Variants in ATP6V1H observed in about 807,000 individuals in gnomAD.
ATP6V1H encodes V-type proton ATPase subunit H.
ATP6V1H carries 39 observed loss-of-function variants against 71.7 expected under a neutral mutation model. The ratio of observed to expected loss-of-function variants is 0.54; its 90% confidence interval spans 0.42 to 0.71. The LOEUF (loss-of-function observed/expected upper bound fraction) is 0.71. Ranked by LOEUF, ATP6V1H falls within the 30% of genes least tolerant of loss-of-function variation. The pLI, the probability that ATP6V1H is intolerant of heterozygous loss-of-function variation, is 0.00. For synonymous variants in ATP6V1H, 192 were observed against 199.3 expected (o/e 0.96, Z 0.31); for missense variants, 509 against 594.9 (o/e 0.86, Z 1.50).
chr8:53,831,421 A>C (rs970824464), intron 3 of ATP6V1H, among the ~76,000 whole-genome samples: 1 of 152,256 alleles, frequency 6.6e-6, no homozygotes, highest in Non-Finnish European at 1.5e-5. Context: ...ATAATCTTAC[A>C]AGACCGCTAT....
At chr8:53,780,919 T>C (rs1809099620) in intron 9 of ATP6V1H, among the ~76,000 whole-genome samples, 1 of 152,228 alleles carries the variant, frequency 6.6e-6, no homozygotes, top group Non-Finnish European at 1.5e-5. Flanking sequence ...ATGTGCCACA[T>C]TTTCTTAATC....
chr8:53,759,428 TAAGTC>T (rs1204239755), intron 11 of ATP6V1H, among the ~76,000 whole-genome samples: 1 of 152,194 alleles, frequency 6.6e-6, no homozygotes, highest in Non-Finnish European at 1.5e-5. Context: ...TGAATACAGT[TAAGTC>T]AACAATAGAT....
intron 13 of ATP6V1H, among the ~76,000 whole-genome samples, chr8:53,740,841 G>A (rs1427463236): frequency 1.3e-5 from 2 of 152,150 alleles, no homozygotes; most frequent in Non-Finnish European, 2.9e-5. Flanking sequence ...AACTGGTATT[G>A]TAATAAATTA....
intron 8 of ATP6V1H, among the ~76,000 whole-genome samples, chr8:53,799,312 AAAT>A (rs1332313101): frequency 6.6e-6 from 1 of 152,192 alleles, no homozygotes; most frequent in Non-Finnish European, 1.5e-5. Flanking sequence ...TCAAAGACTA[AAAT>A]AATAAGAAAG....
At chr8:53,778,497 C>T (rs1808972380) in intron 9 of ATP6V1H, among the ~76,000 whole-genome samples, 1 of 152,142 alleles carries the variant, frequency 6.6e-6, no homozygotes, top group African/African-American at 2.4e-5. Flanking sequence ...TACCCTGGTA[C>T]CCTTCTCAGC....
At chr8:53,735,883 C>G (rs367611431) in intron 13 of ATP6V1H, among the ~76,000 whole-genome samples, 27 of 152,208 alleles carry the variant, frequency 1.8e-4, no homozygotes, top group African/African-American at 6.0e-4. Context: ...GGATCCACCA[C>G]AGTCGGCTAA....
chr8:53,730,836 G>A (rs1010139094), intron 13 of ATP6V1H, among the ~76,000 whole-genome samples: 3 of 152,046 alleles, frequency 2.0e-5, no homozygotes, highest in Admixed American at 1.3e-4. Context: ...CAACCAGGAG[G>A]ACGAAAGCAC....
At chr8:53,761,584 T>TA (rs1284399838) in intron 11 of ATP6V1H, among the ~76,000 whole-genome samples, 3 of 152,014 alleles carry the variant, frequency 2.0e-5, no homozygotes, top group Admixed American at 6.6e-5. Flanking sequence ...ACACTAGATT[T>TA]AAAAAAAACC....
At chr8:53,803,153 A>G (rs1292360292) in intron 7 of ATP6V1H, among the ~76,000 whole-genome samples, 2 of 152,218 alleles carry the variant, frequency 1.3e-5, no homozygotes, top group African/African-American at 4.8e-5. Context: ...CCTGGCCAAC[A>G]TGGCGAAACT....
chr8:53,727,500 G>C (rs1282589508), intron 13 of ATP6V1H, among the ~76,000 whole-genome samples: 1 of 152,186 alleles, frequency 6.6e-6, no homozygotes, highest in African/African-American at 2.4e-5. Flanking sequence ...GCAGCAGGTG[G>C]TTCTCAGCCT....
chr8:53,744,812 CTAATA>C (rs1326975494), intron 12 of ATP6V1H, among the ~76,000 whole-genome samples: 1 of 152,002 alleles, frequency 6.6e-6, no homozygotes, highest in Non-Finnish European at 1.5e-5. Context: ...AAAACATTAT[CTAATA>C]TATCAGCTCA....
intron 13 of ATP6V1H, among the ~76,000 whole-genome samples, chr8:53,731,551 T>A (rs1031023400): frequency 6.6e-6 from 1 of 152,198 alleles, no homozygotes; most frequent in Non-Finnish European, 1.5e-5. Flanking sequence ...ACGTACCCCA[T>A]GCTTGCTCAA....
intron 12 of ATP6V1H, among the ~76,000 whole-genome samples, chr8:53,755,719 TATATATATATATATATATATATATA>T (rs1470771244): frequency 0.046 from 363 of 7,828 alleles, 14 homozygotes; most frequent in African/African-American, 0.079. Flanking sequence ...TATATATATA[TATATATATATATATATATATATATA>T]TTTTTTTTTT....
intron 4 of ATP6V1H, among the ~76,000 whole-genome samples, chr8:53,823,484 TG>T (rs902535752): frequency 1.5e-4 from 23 of 151,624 alleles, no homozygotes; most frequent in Non-Finnish European, 2.8e-4. Context: ...ACTTAATTTT[TG>T]GGGGGGCGGG....
At chr8:53,751,445 G>A (rs1031012317) in intron 12 of ATP6V1H, among the ~76,000 whole-genome samples, 1 of 152,192 alleles carries the variant, frequency 6.6e-6, no homozygotes, top group African/African-American at 2.4e-5. Context: ...AGTCCAAAGT[G>A]CAAATATGAC....
At chr8:53,831,318 C>T (rs1008193097) in intron 3 of ATP6V1H, among the ~76,000 whole-genome samples, 1 of 152,182 alleles carries the variant, frequency 6.6e-6, no homozygotes, top group Non-Finnish European at 1.5e-5. Context: ...CAGTCTGTAA[C>T]TATACTGAAT....
chr8:53,724,560 C>T (rs1190762989), intron 13 of ATP6V1H, among the ~76,000 whole-genome samples: 1 of 151,000 alleles, frequency 6.6e-6, no homozygotes, highest in East Asian at 1.9e-4. Context: ...CTCCCCACGG[C>T]CTGGAACACC....
chr8:53,725,224 G>A (rs1025653875), intron 13 of ATP6V1H, among the ~76,000 whole-genome samples: 1 of 152,034 alleles, frequency 6.6e-6, no homozygotes, highest in Non-Finnish European at 1.5e-5. Context: ...GTGGGACTGT[G>A]GCTTTATTAG....
chr8:53,731,543 G>A (rs544196550), intron 13 of ATP6V1H, among the ~76,000 whole-genome samples: 3 of 152,202 alleles, frequency 2.0e-5, no homozygotes, highest in Non-Finnish European at 4.4e-5. Context: ...CCCCAGCCAC[G>A]TACCCCATGC....
Sources: allele counts gnomAD v4.1 joint callset (sites outside exome capture counted in the v4.1 genomes callset), GRCh38; gene constraint gnomAD v4.1.1; transcripts MANE v1.5; gene names NCBI Gene and HGNC (gene_info 2026-07-23, HGNC 2026-07-21).